PDE4D: variants seen among roughly 807,000 people sequenced by gnomAD.
PDE4D encodes the protein 3',5'-cyclic-AMP phosphodiesterase 4D.
Under a neutral mutation model 87.4 loss-of-function variants are expected in PDE4D, and 24 were observed. That is an observed-to-expected ratio of 0.27 (90% CI 0.20 to 0.39). PDE4D has a LOEUF of 0.39. Among genes scored for constraint, PDE4D ranks in the 10% least tolerant of loss-of-function variants. PDE4D has a pLI of 1.00. For missense variants in PDE4D, 714 were observed against 1,041.0 expected (o/e 0.69, Z 4.32); for synonymous variants, 384 against 383.2 (o/e 1.00, Z -0.02).
intron 1 of PDE4D, among the ~76,000 whole-genome samples, chr5:59,306,813 C>G (rs1004871220): frequency 7.5e-6 from 1 of 133,646 alleles, no homozygotes; most frequent in South Asian, 2.6e-4. Flanking sequence ...CAATGCCATC[C>G]CCATCAAGCT....
chr5:59,454,006 A>G (rs755977689), intron 1 of PDE4D, among the ~76,000 whole-genome samples: 1 of 152,206 alleles, frequency 6.6e-6, no homozygotes, highest in Non-Finnish European at 1.5e-5. Flanking sequence ...ATGTTCATTT[A>G]CCAGTCTAAT....
chr5:60,355,399 C>G (rs1206582221), intron 1 of PDE4D, among the ~76,000 whole-genome samples: 1 of 152,174 alleles, frequency 6.6e-6, no homozygotes, highest in African/African-American at 2.4e-5. Context: ...TCCCTACAGT[C>G]TCCTGGCAGA....
chr5:59,629,110 C>T (rs991909028), intron 1 of PDE4D, among the ~76,000 whole-genome samples: 6 of 152,272 alleles, frequency 3.9e-5, no homozygotes, highest in South Asian at 2.1e-4. Context: ...TCCCACTACA[C>T]GTGCGGATTA....
intron 5 of PDE4D, among the ~76,000 whole-genome samples, chr5:59,125,036 G>A (rs1393592968): frequency 1.3e-5 from 2 of 151,624 alleles, no homozygotes; most frequent in Non-Finnish European, 2.9e-5. Flanking sequence ...CATGAAGAAC[G>A]AAGCAAGTTC....
intron 1 of PDE4D, among the ~76,000 whole-genome samples, chr5:59,525,010 TG>T (rs929577793): frequency 2.0e-5 from 3 of 152,218 alleles, no homozygotes; most frequent in African/African-American, 7.2e-5. Flanking sequence ...GAACCTCTGC[TG>T]GGGCAGTGCA....
At chr5:59,714,801 A>T (rs1754753444) in intron 1 of PDE4D, among the ~76,000 whole-genome samples, 1 of 152,220 alleles carries the variant, frequency 6.6e-6, no homozygotes, top group Admixed American at 6.5e-5. Flanking sequence ...TCTCTTGCAG[A>T]TTTAGAAGCG....
intron 1 of PDE4D, among the ~76,000 whole-genome samples, chr5:60,231,296 G>T (rs1745779506): frequency 6.6e-6 from 1 of 151,902 alleles, no homozygotes; most frequent in Admixed American, 6.6e-5. Context: ...CTTGTGAGAT[G>T]CAATCCTGAG....
chr5:59,842,128 G>T lies in PDE4D; in HGVS notation c.455+51040C>A, dbSNP rs533153418. Among the ~76,000 whole-genome samples, 3 of 152,152 alleles carry T rather than the reference G, an allele frequency of 2.0e-5. No homozygotes were observed. The South Asian group carries it at 6.2e-4, about 32-fold the overall frequency. ...GTTTCCAGGTGGAACATGCACAGGA[G>T]GGGAGGGGTTGTTAAGGTGCTTCAA... On this transcript the variant is annotated intron_variant, in intron 1 of 14. Coordinates refer to ENST00000340635, the MANE Select transcript of PDE4D (RefSeq NM_001104631.2).
At chr5:60,481,328 C>A (rs1280533236) in intron 1 of PDE4D, among the ~76,000 whole-genome samples, 3 of 151,152 alleles carry the variant, frequency 2.0e-5, no homozygotes, top group Non-Finnish European at 4.4e-5. Flanking sequence ...ATAGAATAAT[C>A]TGAAAAAAAA....
At chr5:60,471,351 G>A (rs1176365765) in intron 1 of PDE4D, among the ~76,000 whole-genome samples, 1 of 152,180 alleles carries the variant, frequency 6.6e-6, no homozygotes, top group Non-Finnish European at 1.5e-5. Context: ...TACTCCTGGT[G>A]AAGATGCTGT....
At chr5:60,337,386 T>TACACACACACACAC (rs1370710315) in intron 1 of PDE4D, among the ~76,000 whole-genome samples, 12 of 92,118 alleles carry the variant, frequency 1.3e-4, no homozygotes, top group African/African-American at 4.3e-4. Flanking sequence ...TATATATATA[T>TACACACACACACAC]ATACACACAC....
At chr5:59,653,811 G>A (rs930669482) in intron 1 of PDE4D, among the ~76,000 whole-genome samples, 6 of 150,862 alleles carry the variant, frequency 4.0e-5, no homozygotes, top group Non-Finnish European at 7.4e-5. Context: ...AGAAAAGAGT[G>A]GAAAGGGAAA....
chr5:59,213,149 C>T (rs1209284982), intron 2 of PDE4D, among the ~76,000 whole-genome samples: 1 of 147,938 alleles, frequency 6.8e-6, no homozygotes, highest in African/African-American at 2.6e-5. Flanking sequence ...TCTTCTCCTT[C>T]TCCTCCTTCT....
chr5:60,396,122 T>A (rs577920336), intron 1 of PDE4D, among the ~76,000 whole-genome samples: 2 of 152,246 alleles, frequency 1.3e-5, no homozygotes, highest in Non-Finnish European at 2.9e-5. Flanking sequence ...GGGGCACTGC[T>A]CTTTTCTGTT....
At chr5:59,353,668 T>C (rs532843111) in intron 1 of PDE4D, among the ~76,000 whole-genome samples, 2 of 152,116 alleles carry the variant, frequency 1.3e-5, no homozygotes, top group East Asian at 3.9e-4. Flanking sequence ...TATGTAACCC[T>C]CTGCTTTCTC....
At chr5:60,328,657 T>C (rs553566785) in intron 1 of PDE4D, among the ~76,000 whole-genome samples, 2 of 152,212 alleles carry the variant, frequency 1.3e-5, no homozygotes, top group South Asian at 2.1e-4. Context: ...CATGCATATA[T>C]GTTTCTGTTT....
At chr5:59,170,449 A>G (rs1161390099) in intron 5 of PDE4D, among the ~76,000 whole-genome samples, 2 of 152,258 alleles carry the variant, frequency 1.3e-5, no homozygotes, top group South Asian at 2.1e-4. Context: ...CTGTGGAACC[A>G]TAATATTGAA....
intron 1 of PDE4D, among the ~76,000 whole-genome samples, chr5:59,373,516 G>A (rs770256476): frequency 8.5e-5 from 13 of 152,062 alleles, no homozygotes; most frequent in Non-Finnish European, 1.5e-4. Flanking sequence ...GAACAAAACC[G>A]AGAAATATGA....
intron 1 of PDE4D, among the ~76,000 whole-genome samples, chr5:59,379,034 G>T (rs1439739545): frequency 1.3e-5 from 2 of 151,836 alleles, no homozygotes; most frequent in Non-Finnish European, 2.9e-5. Context: ...AGTCCAGGGA[G>T]CTTACAGGGA....
Sources: gnomAD v4.1 joint callset for allele counts (sites outside exome capture counted in the v4.1 genomes callset) on GRCh38, gnomAD v4.1.1 for gene constraint, MANE v1.5 for transcripts, NCBI Gene and HGNC (gene_info 2026-07-23, HGNC 2026-07-21) for gene names.